PANK3: variants seen among roughly 807,000 people sequenced by gnomAD.
PANK3 encodes the protein hPanK3.
Under a neutral mutation model 39.4 loss-of-function variants are expected in PANK3, and 20 were observed. The observed-to-expected ratio is 0.51, with a 90% CI of 0.36 to 0.74. PANK3 has a LOEUF of 0.74. Among genes scored for constraint, PANK3 ranks in the 30% least tolerant of loss-of-function variants. PANK3 has a pLI of 0.00. For missense variants in PANK3, 265 were observed against 437.0 expected (o/e 0.61, Z 3.51); for synonymous variants, 140 against 157.3 (o/e 0.89, Z 0.82).
At position 168,557,560 on chromosome 5, in the gene PANK3, G is replaced by A; in HGVS notation, c.*11C>T. 1 of 1,611,338 alleles carries A rather than the reference G, an allele frequency of 6.2e-7. No homozygotes were observed. ...GATGACATTTATTAGCAGAGAGAGA[G>A]ACCTGATGCTTTAGCTGAAATTTGG... On this transcript the variant is annotated 3_prime_UTR_variant, in exon 7 of 7. Coordinates refer to ENST00000239231, the MANE Select transcript of PANK3 (RefSeq NM_024594.4).
chr5:168,568,375 T>C (rs1759568170), intron 2 of PANK3, among the ~76,000 whole-genome samples: 1 of 152,206 alleles, frequency 6.6e-6, no homozygotes, highest in Non-Finnish European at 1.5e-5. Context: ...CACTGCCAAA[T>C]TCATTAAAGT....
At position 168,571,779 on chromosome 5, in the gene PANK3, C is replaced by T. The variant is rs918201807; in HGVS notation, c.29-2781G>A. Among the ~76,000 whole-genome samples, 6 of 152,132 alleles carry T rather than the reference C, an allele frequency of 3.9e-5. No homozygotes were observed. In the East Asian group the frequency reaches 9.6e-4, roughly 24 times the overall value. On this transcript the variant is annotated intron_variant, in intron 1 of 6. Coordinates refer to ENST00000239231, the MANE Select transcript of PANK3 (RefSeq NM_024594.4). ...TAAAATTAGTATATAATTTTTAATA[C>T]GAGGAAGGAGTAATCCTCATTATCT...
chr5:168,554,363 G>T lies in PANK3; in HGVS notation c.*3208C>A, dbSNP rs183754794. 1 of 152,092 alleles carries T rather than the reference G, an allele frequency of 6.6e-6. No homozygotes were observed. Among genetic ancestry groups the T allele is most frequent in the Non-Finnish European group, 1.5e-5 (1 of 68,008 alleles). The allele number at this position is 152,092 out of a possible 1,614,324, so 9.4% of individuals were successfully genotyped here. A position where few individuals can be genotyped will look rare whatever the true frequency, so the allele number is the denominator to read the frequency against. On this transcript the variant is annotated 3_prime_UTR_variant, in exon 7 of 7. Coordinates refer to ENST00000239231, the MANE Select transcript of PANK3 (RefSeq NM_024594.4). ...CTATGGGTTTTTTTGTTTACAGACCGCAGGTTTACTTAATAGTTTTCAGTA... is the reference window on the plus strand; with the variant it reads ...CTATGGGTTTTTTTGTTTACAGACCTCAGGTTTACTTAATAGTTTTCAGTA...
intron 1 of PANK3, among the ~76,000 whole-genome samples, chr5:168,573,727 C>T (rs1759686174): frequency 7.5e-6 from 1 of 132,686 alleles, no homozygotes; most frequent in African/African-American, 2.8e-5. Context: ...TCCATGTGTT[C>T]TCATTGTTCA....
chr5:168,570,062 C>T (rs1420329324), intron 1 of PANK3, among the ~76,000 whole-genome samples: 2 of 151,748 alleles, frequency 1.3e-5, no homozygotes, highest in Non-Finnish European at 2.9e-5. Flanking sequence ...AAAACAAACC[C>T]AAAAAGCAAT....
chr5:168,566,005 G>T lies in PANK3; in HGVS notation c.635+8C>A, dbSNP rs748638510. On this transcript the variant is annotated splice_region_variant and intron_variant, in intron 3 of 6. Transcript: ENST00000239231. ...TGAATGCAGCAATACAACCAAAAAG[G>T]TCACTACCTTGTCCCAGTCACTCGT... is the stretch of plus-strand genomic sequence containing the variant. 1 of 1,602,292 alleles carries T rather than the reference G, an allele frequency of 6.2e-7. No individual in the cohort carries two copies. The highest frequency in any genetic ancestry group is 2.2e-5 in the East Asian group (1 of 44,458).
In PANK3 at chr5:168,555,673, A is replaced by G. The variant is rs1481380148; in HGVS notation, c.*1898T>C. On this transcript the variant is annotated 3_prime_UTR_variant, in exon 7 of 7. Transcript: ENST00000239231. ...TCCTTTAGAGCACATCTCAATTTGG[A>G]CTAACCATATTTCAAATGCTCAACA... 6.6e-6 allele frequency: 1 copy of G among 152,254 alleles called. No individual in the cohort carries two copies. The highest frequency in any genetic ancestry group is 1.5e-5 in the Non-Finnish European group (1 of 68,052). The allele number at this position is 152,254 out of a possible 1,614,324, so 9.4% of individuals were successfully genotyped here.
Position 168,549,913 on chromosome 5 carries a change from C to T in PANK3, c.*7658G>A, listed in dbSNP as rs1759250901. Reference sequence around the variant, plus strand: ...TATAGGTGTGTGCCAACAAGCCTGGCTATTTTTTGTATTTTTAGTAGAGAC... The same window carrying T: ...TATAGGTGTGTGCCAACAAGCCTGGTTATTTTTTGTATTTTTAGTAGAGAC... On this transcript the variant is annotated 3_prime_UTR_variant, in exon 7 of 7. Transcript: ENST00000239231. 1 of 152,136 alleles carries T rather than the reference C, an allele frequency of 6.6e-6. No homozygotes were observed. Among genetic ancestry groups the T allele is most frequent in the Admixed American group, 6.6e-5 (1 of 15,252 alleles). 9.4% of individuals were successfully genotyped at this position (152,136 alleles called of 1,614,324 possible). A position where few individuals can be genotyped will look rare whatever the true frequency, so the allele number is the denominator to read the frequency against.
rs537604627 is a variant in PANK3, at chr5:168,549,163, G to A, written c.*8408C>T. The A allele has an allele frequency of 6.6e-6, 1 of 152,126 alleles. No homozygotes were observed. The highest frequency in any genetic ancestry group is 6.5e-5 in the Admixed American group (1 of 15,276). The allele number at this position is 152,126 out of a possible 1,614,324, so 9.4% of individuals were successfully genotyped here. On this transcript the variant is annotated 3_prime_UTR_variant, in exon 7 of 7. Coordinates refer to ENST00000239231, the MANE Select transcript of PANK3 (RefSeq NM_024594.4). ...AAATAATAAAAACCATCTTAATATT[G>A]CTTACATCCTAATACTATTAGTTAT...
chr5:168,577,313 C>A (rs774051392), intron 1 of PANK3, among the ~76,000 whole-genome samples: 2 of 152,160 alleles, frequency 1.3e-5, no homozygotes, highest in African/African-American at 2.4e-5. Context: ...TAGGCTTCTA[C>A]ACCATAGTAA....
chr5:168,565,344 AAAG>A (rs1759507028), intron 3 of PANK3, among the ~76,000 whole-genome samples: 1 of 152,292 alleles, frequency 6.6e-6, no homozygotes, highest in South Asian at 2.1e-4. Context: ...GTATTACAGA[AAAG>A]TATGTGGGCT....
In PANK3 at chr5:168,549,701, A is replaced by G. The variant is rs1439577347; in HGVS notation, c.*7870T>C. ...CTGATTTACCCCAAACATATCATTC[A>G]GCACAAACTGCGGTACCTGAAATCC... is the stretch of plus-strand genomic sequence containing the variant. On this transcript the variant is annotated 3_prime_UTR_variant, in exon 7 of 7. Transcript: ENST00000239231. 6.6e-6 allele frequency: 1 copy of G among 152,212 alleles called. No homozygotes were observed. Among genetic ancestry groups the G allele is most frequent in the African/African-American group, 2.4e-5 (1 of 41,460 alleles). 9.4% of individuals were successfully genotyped at this position (152,212 alleles called of 1,614,324 possible).
intron 1 of PANK3, among the ~76,000 whole-genome samples, chr5:168,571,617 A>G (rs1352730861): frequency 2.0e-5 from 3 of 152,212 alleles, no homozygotes; most frequent in Admixed American, 2.0e-4. Flanking sequence ...TTTATGTAAA[A>G]GTTGCCAATA....
chr5:168,567,280 A>AT (rs1438610179), intron 2 of PANK3, among the ~76,000 whole-genome samples: 4 of 152,198 alleles, frequency 2.6e-5, no homozygotes, highest in African/African-American at 4.8e-5. Context: ...GTGCAAGCAT[A>AT]TAACTACTTC....
intron 2 of PANK3, among the ~76,000 whole-genome samples, 175 bp downstream of exon 2, chr5:168,568,471 C>T (rs916372296): frequency 6.6e-6 from 1 of 152,114 alleles, no homozygotes; most frequent in African/African-American, 2.4e-5. Flanking sequence ...TGACCAAATC[C>T]GGGCAATTTT....
intron 2 of PANK3, 84 bp downstream of exon 2, chr5:168,568,562 G>A: frequency 9.6e-7 from 1 of 1,045,526 alleles, no homozygotes; most frequent in Non-Finnish European, 1.4e-6. Flanking sequence ...TGTGCAGGGA[G>A]AATTAAGGAA....
chr5:168,559,259 A>C (rs1759404612), intron 5 of PANK3, 102 bp from the exon 6 acceptor site: 1 of 775,136 alleles, frequency 1.3e-6, no homozygotes, highest in East Asian at 2.9e-5. Flanking sequence ...ATGCAAAAAA[A>C]CACAACTACG....
chr5:168,559,216 G>C, intron 5 of PANK3, 59 bp from the exon 6 acceptor site: 1 of 1,123,870 alleles, frequency 8.9e-7, no homozygotes, highest in Non-Finnish European at 1.2e-6. Context: ...AATATAAAAG[G>C]TTTCTAAATA....
rs775759893 is a variant in PANK3, at chr5:168,568,853, A to G, written c.174T>C (p.Tyr58=). The G allele has an allele frequency of 1.9e-6, 3 of 1,613,894 alleles. No individual in the cohort carries two copies. Among genetic ancestry groups the G allele is most frequent in the South Asian group, 2.2e-5 (2 of 91,064 alleles). ...IRKYLTSNVA[Y]GSTGIRDVHL... ...GTACATCCCGAATGCCGGTGGATCC[A>G]TATGCCACGTTAGAAGTCAAATATT... Residue 58 remains tyrosine (Y), a synonymous_variant, in exon 2 of 7, where the codon TAT becomes TAC. Coordinates refer to ENST00000239231, the MANE Select transcript of PANK3 (RefSeq NM_024594.4).
Sources: gnomAD v4.1 joint callset for allele counts (sites outside exome capture counted in the v4.1 genomes callset) on GRCh38, gnomAD v4.1.1 for gene constraint, MANE v1.5 for transcripts, NCBI Gene and HGNC (gene_info 2026-07-23, HGNC 2026-07-21) for gene names.